PLCG2: variants seen among roughly 807,000 people sequenced by gnomAD.
PLCG2 encodes phospholipase C gamma 2.
A neutral mutation model predicts 175.6 loss-of-function variants in PLCG2; 69 were observed. The ratio of observed to expected loss-of-function variants is 0.39; its 90% confidence interval spans 0.32 to 0.48. The LOEUF (loss-of-function observed/expected upper bound fraction) is 0.48, where lower values mean the gene tolerates loss of function less well. Among genes scored for constraint, PLCG2 ranks in the 20% least tolerant of loss-of-function variants. PLCG2 has a pLI of 0.91. For synonymous variants in PLCG2, 827 were observed against 624.0 expected (o/e 1.33, Z -4.85); for missense variants, 1,798 against 1,650.9 (o/e 1.09, Z -1.54).
chr16:81,880,994 G>T lies in PLCG2; in HGVS notation c.692+41G>T, dbSNP rs749260938. 4 of 1,599,184 alleles carry T rather than the reference G, an allele frequency of 2.5e-6. No individual in the cohort carries two copies. The East Asian group carries it at 8.9e-5, about 36-fold the overall frequency. On this transcript the variant is annotated intron_variant, in intron 8 of 32. Coordinates refer to ENST00000564138, the MANE Select transcript of PLCG2 (RefSeq NM_002661.5). ...TGTGTCGTTCGGGGCGGCTGTGCCG[G>T]ACCTCGGTGCCTGGTGCCCAGCCGG...
chr16:81,883,315 C>G lies in PLCG2; in HGVS notation c.739C>G (p.Gln247Glu). The change falls in exon 9 of 33, where the codon CAG becomes GAG. Residue 247 changes from glutamine (Q) to glutamate (E), a missense_variant. Gln to Glu is a conservative substitution (Grantham distance 29, BLOSUM62 2). Coordinates refer to ENST00000564138, the MANE Select transcript of PLCG2 (RefSeq NM_002661.5). ...DASAVYLHDF[Q>E]RFLIHEQQEH... ...CTCTGCTGTTTACCTGCATGACTTC[C>G]AGAGGTTTCTCATACATGAACAGCA... 13 of 1,614,122 alleles carry G rather than the reference C, an allele frequency of 8.1e-6. No individual in the cohort carries two copies. Among genetic ancestry groups the G allele is most frequent in the Non-Finnish European group, 1.0e-5 (12 of 1,180,016 alleles).
At position 81,893,772 on chromosome 16, in the gene PLCG2, C is replaced by A. The variant is rs185739725; in HGVS notation, c.1050C>A (p.Arg350=). 3.6e-4 allele frequency: 573 copies of A among 1,611,410 alleles called. 1 individual carries two copies. In the African/African-American group the frequency reaches 7.1e-3, roughly 20 times the overall value. Residue 350 remains arginine (R), a synonymous_variant, in exon 12 of 33, where the codon CGC becomes CGA. Coordinates refer to ENST00000564138, the MANE Select transcript of PLCG2 (RefSeq NM_002661.5). ...CAGAAGCTTACATCCGCTGCCTGCG[C>A]ATGGGCTGTCGCTGCATTGAACGTG... ...SSPEAYIRCL[R]MGCRCIELDC...
At chr16:81,855,994 A>C (rs1906663874) in intron 3 of PLCG2, among the ~76,000 whole-genome samples, 1 of 152,134 alleles carries the variant, frequency 6.6e-6, no homozygotes, top group Non-Finnish European at 1.5e-5. Context: ...CCTGTTCTTA[A>C]TTTGGTAAGG....
intron 31 of PLCG2, among the ~76,000 whole-genome samples, chr16:81,948,219 G>T (rs987627068): frequency 5.9e-5 from 8 of 135,668 alleles, no homozygotes; most frequent in African/African-American, 2.5e-5. Flanking sequence ...ATTGTTCTCT[G>T]CAAGTAAATA....
chr16:81,899,270 G>GTA (rs369588165), intron 13 of PLCG2, among the ~76,000 whole-genome samples: 6,372 of 147,510 alleles, frequency 0.043, 141 homozygotes, highest in Non-Finnish European at 0.051. Context: ...GAGTATGTGT[G>GTA]TATATATATA....
At chr16:81,809,476 G>A (rs752522689) in intron 2 of PLCG2, among the ~76,000 whole-genome samples, 5 of 152,124 alleles carry the variant, frequency 3.3e-5, no homozygotes, top group African/African-American at 4.8e-5. Context: ...TATTTGCTGC[G>A]CTTCCTTCCC....
At chr16:81,916,255 T>C (rs192606631) in intron 19 of PLCG2, among the ~76,000 whole-genome samples, 2 of 151,646 alleles carry the variant, frequency 1.3e-5, no homozygotes, top group Admixed American at 1.3e-4. Flanking sequence ...TAAAGCAATA[T>C]ATTTTTTTTT....
intron 2 of PLCG2, among the ~76,000 whole-genome samples, chr16:81,845,147 C>A (rs977709800): frequency 6.6e-6 from 1 of 151,934 alleles, no homozygotes; most frequent in Non-Finnish European, 1.5e-5. Context: ...GCTTTGTTGC[C>A]CAGGTTGGTC....
At position 81,908,565 on chromosome 16, in the gene PLCG2, C is replaced by T. The variant is rs1909479196; in HGVS notation, c.1707C>T (p.Phe569=). 1.2e-6 allele frequency: 2 copies of T among 1,612,058 alleles called. No homozygotes were observed. Among genetic ancestry groups the T allele is most frequent in the Non-Finnish European group, 1.7e-6 (2 of 1,179,640 alleles). The change falls in exon 17 of 33, where the codon TTC becomes TTT. Residue 569 remains phenylalanine (F), a synonymous_variant. Coordinates refer to ENST00000564138, the MANE Select transcript of PLCG2 (RefSeq NM_002661.5). ...GTFLVRESET[F]PNDYTLSFWR... ...TCCTGGTTCGGGAGAGCGAGACCTT[C>T]CCCAATGACTACACCCTGTCCTTCT...
chr16:81,936,116 A>C, intron 26 of PLCG2, 53 bp from the exon 27 acceptor site: 1 of 1,600,090 alleles, frequency 6.2e-7, no homozygotes, highest in South Asian at 1.1e-5. Context: ...AAACATTAAG[A>C]AAATGCACAG....
chr16:81,786,807 A>G (rs928478205), intron 2 of PLCG2, among the ~76,000 whole-genome samples: 2 of 152,136 alleles, frequency 1.3e-5, no homozygotes, highest in African/African-American at 4.8e-5. Context: ...AGTTGCAAAT[A>G]TTTGCTCTAA....
chr16:81,867,356 C>T (rs11645251), intron 5 of PLCG2, among the ~76,000 whole-genome samples: 1 of 152,198 alleles, frequency 6.6e-6, no homozygotes, highest in African/African-American at 2.4e-5. Flanking sequence ...ATTCTTGACC[C>T]ACCCACCCCA....
intron 19 of PLCG2, 66 bp from the exon 20 acceptor site, chr16:81,919,418 G>T: frequency 1.2e-5 from 16 of 1,295,208 alleles, no homozygotes; most frequent in Middle Eastern, 2.5e-4. Flanking sequence ...AATCAGTAGG[G>T]TTTGTGTAAA....
intron 5 of PLCG2, among the ~76,000 whole-genome samples, chr16:81,867,948 C>G (rs929938010): frequency 6.6e-6 from 1 of 152,206 alleles, no homozygotes; most frequent in Admixed American, 6.5e-5. Flanking sequence ...ATCCGCCCGC[C>G]TCAGCCTCCC....
chr16:81,865,680 G>A (rs1211620802), intron 5 of PLCG2, among the ~76,000 whole-genome samples: 1 of 152,108 alleles, frequency 6.6e-6, no homozygotes, highest in African/African-American at 2.4e-5. Context: ...CTCCCAGGAT[G>A]GGCTCCACTG....
At chr16:81,925,926 G>A (rs1910252355) in intron 22 of PLCG2, among the ~76,000 whole-genome samples, 1 of 151,632 alleles carries the variant, frequency 6.6e-6, no homozygotes, top group South Asian at 2.1e-4. Context: ...ATCATATAGA[G>A]GGGAAGACAG....
At chr16:81,842,439 A>G (rs569624490) in intron 2 of PLCG2, among the ~76,000 whole-genome samples, 41 of 152,276 alleles carry the variant, frequency 2.7e-4, no homozygotes, top group African/African-American at 9.6e-4. Flanking sequence ...GCAGTGTGGC[A>G]TCCCTAGCGC....
At position 81,745,705 on chromosome 16, in the gene PLCG2, C is replaced by T. The variant is rs1390217119; in HGVS notation, c.-145+6320C>T. ...GGTTAGGTCTAGAATGCCAATGTTT[C>T]GCATTTTCCCTGTAAATCTCAGGTT... On this transcript the variant is annotated intron_variant, in intron 1 of 5. Coordinates refer to the PLCG2 transcript ENST00000565054. Among the ~76,000 whole-genome samples, 6 of 152,328 alleles carry T rather than the reference C, an allele frequency of 3.9e-5. 1 individual carries two copies. The highest frequency in any genetic ancestry group is 2.6e-4 in the Admixed American group (4 of 15,300).
chr16:81,946,292 C>G, intron 31 of PLCG2, 29 bp downstream of exon 31: 3 of 1,527,252 alleles, frequency 2.0e-6, no homozygotes, highest in Non-Finnish European at 2.7e-6. Flanking sequence ...GTTAAGGGTT[C>G]CCTGAGCTAT....
Sources: gnomAD v4.1 joint callset for allele counts (sites outside exome capture counted in the v4.1 genomes callset) on GRCh38, gnomAD v4.1.1 for gene constraint, MANE v1.5 for transcripts, NCBI Gene and HGNC (gene_info 2026-07-23, HGNC 2026-07-21) for gene names.